The following MROH2A variants were observed in gnomAD, a reference collection of about 807,000 sequenced individuals.
MROH2A encodes the protein maestro heat-like repeat-containing protein family member 2A.
In MROH2A, 174 loss-of-function variants were observed where a neutral mutation model predicts 200.4. That is an observed-to-expected ratio of 0.87 (90% CI 0.77 to 0.98). The LOEUF is 0.98. Ranked by LOEUF, MROH2A falls within the 50% of genes least tolerant of loss-of-function variation. MROH2A has a pLI of 0.00. For missense variants in MROH2A, 2,045 were observed against 2,139.6 expected (o/e 0.96, Z 0.87); for synonymous variants, 829 against 840.4 (o/e 0.99, Z 0.23).
chr2:233,830,601 GTGGCCCAGGTGGGA>G (rs912921114), intron 38 of MROH2A, among the ~76,000 whole-genome samples: 3 of 64,226 alleles, frequency 4.7e-5, no homozygotes, highest in African/African-American at 7.5e-5. Flanking sequence ...GATGGCCTGG[GTGGCCCAGGTGGGA>G]TGGCCCAGGT....
Position 233,818,589 on chromosome 2 carries a change from C to T in MROH2A, c.3086-63C>T, listed in dbSNP as rs1040293853. 13 of 1,075,972 alleles carry T rather than the reference C, an allele frequency of 1.2e-5. No individual in the cohort carries two copies. In the Admixed American group the frequency reaches 1.8e-4, roughly 15 times the overall value. The allele number at this position is 1,075,972 out of a possible 1,614,324, so 66.7% of individuals were successfully genotyped here. On this transcript the variant is annotated intron_variant, in intron 28 of 41. Transcript: ENST00000389758. ...GCAAAGCCAGGGCAGGAGGTAGCCA[C>T]GAAGGGGGGGTGGCTGGGCCTTTTG... is the stretch of plus-strand genomic sequence containing the variant.
At chr2:233,803,885 C>T (rs1702630547) in intron 16 of MROH2A, among the ~76,000 whole-genome samples, 166 bp from the exon 17 acceptor site, 1 of 152,126 alleles carries the variant, frequency 6.6e-6, no homozygotes, top group Non-Finnish European at 1.5e-5. Context: ...CCCCCATCCC[C>T]CATCCTTCCT....
At chr2:233,784,168 G>C (rs1300131728) in intron 3 of MROH2A, among the ~76,000 whole-genome samples, 3 of 151,730 alleles carry the variant, frequency 2.0e-5, no homozygotes, top group East Asian at 3.9e-4. Context: ...TTTTGAGATA[G>C]GCTTTTATTG....
intron 5 of MROH2A, 54 bp downstream of exon 5, chr2:233,790,068 T>TCTCTCTGCCC: frequency 6.9e-7 from 1 of 1,448,156 alleles, no homozygotes; most frequent in Non-Finnish European, 9.2e-7. Flanking sequence ...GGTCTCTGCC[T>TCTCTCTGCCC]CTCTCTGCCC....
intron 30 of MROH2A, 124 bp downstream of exon 30, chr2:233,819,593 C>A: frequency 1.9e-6 from 2 of 1,076,644 alleles, no homozygotes; most frequent in Non-Finnish European, 2.6e-6. Flanking sequence ...CCCCTGGCTG[C>A]TAAAGAGGAG....
Position 233,828,425 on chromosome 2 carries a change from A to G in MROH2A, c.4114-205A>G. On this transcript the variant is annotated intron_variant, in intron 35 of 41. Transcript: ENST00000389758. This position sits in a 1 kb window ranked among gnomAD's most constrained non-coding sequence, Gnocchi z 4.6. ...GTAACACTTATCTAGCATTCCCCCCATATTTCCTTATTAAATCCCCACACA... is the reference window on the plus strand; with the variant it reads ...GTAACACTTATCTAGCATTCCCCCCGTATTTCCTTATTAAATCCCCACACA... The G allele has an allele frequency of 5.3e-6, 3 of 570,240 alleles. No individual in the cohort carries two copies. In the South Asian group the frequency reaches 8.7e-5, roughly 17 times the overall value. 35.3% of individuals were successfully genotyped at this position (570,240 alleles called of 1,614,324 possible).
At position 233,818,080 on chromosome 2, in the gene MROH2A, C is replaced by T. The variant is rs535812122; in HGVS notation, c.3040C>T (p.Arg1014Cys). 113 of 1,550,862 alleles carry T rather than the reference C, an allele frequency of 7.3e-5. No homozygotes were observed. The highest frequency in any genetic ancestry group is 1.1e-4 in the South Asian group (9 of 84,072). ...CACCTGTGATGCCCATCAAAGAACC[C>T]GCATGGCCTCAATGAATGTCCTGTC... ...PCTCDAHQRT[R>C]MASMNVLSSL... The change falls in exon 28 of 42, where the codon CGC becomes TGC. Residue 1014 changes from arginine to cysteine, a missense_variant. This residue lies in a region of MROH2A where 1,201 missense variants were observed against 1,311.3 expected (regional missense o/e 0.92). Transcript: ENST00000389758.
chr2:233,809,351 G>A (rs1399763457), intron 22 of MROH2A, 73 bp downstream of exon 22: 1 of 1,484,662 alleles, frequency 6.7e-7, no homozygotes, highest in African/African-American at 1.4e-5. Flanking sequence ...GGCACTCTCT[G>A]GGCTCCTGCA....
chr2:233,831,461 T>G lies in MROH2A; in HGVS notation c.4655T>G (p.Leu1552Arg). The G allele has an allele frequency of 6.4e-7, 1 of 1,550,578 alleles. No individual in the cohort carries two copies. Among genetic ancestry groups the G allele is most frequent in the Admixed American group, 2.0e-5 (1 of 51,000 alleles). ...QCVHFWGWKSLEHPSGPSDTA... is the reference protein window; with the variant it reads ...QCVHFWGWKSREHPSGPSDTA... ...GTGCACTTCTGGGGCTGGAAGTCCC[T>G]GGAGCATCCCTCAGGGCCAAGTGAT... The change falls in exon 39 of 42, where the codon CTG becomes CGG. Residue 1552 changes from leucine (L) to arginine (R), a missense_variant. Physicochemically the swap from Leu to Arg is moderately radical, Grantham distance 102. Around this residue, in one of 3 missense-constraint regions of MROH2A, gnomAD observed 1,201 missense variants for 1,311.3 expected, o/e 0.92. Transcript: ENST00000389758.
intron 35 of MROH2A, among the ~76,000 whole-genome samples, chr2:233,827,622 G>T (rs1292705165): frequency 6.6e-6 from 1 of 152,088 alleles, no homozygotes; most frequent in Non-Finnish European, 1.5e-5. Context: ...TGCATGCTGG[G>T]CTTAATAACT....
intron 41 of MROH2A, among the ~76,000 whole-genome samples, 173 bp downstream of exon 41, chr2:233,832,817 A>C (rs576962617): frequency 6.6e-6 from 1 of 152,258 alleles, no homozygotes; most frequent in African/African-American, 2.4e-5. Context: ...CCAGGACGAC[A>C]GCTATTGATG....
At chr2:233,789,767 G>T in intron 4 of MROH2A, 85 bp from the exon 5 acceptor site, 1 of 1,489,050 alleles carries the variant, frequency 6.7e-7, no homozygotes, top group Non-Finnish European at 9.0e-7. Context: ...GGAACCAGGA[G>T]GGGTGGAGAG....
chr2:233,822,298 C>T lies in MROH2A; in HGVS notation c.3672+15C>T, dbSNP rs755652480. ...ACCCCCTGATGGTGAGTTGCAGGCG[C>T]AGGCCCCAAGGCTCCTCAGGGGTCT... is the stretch of plus-strand genomic sequence containing the variant. On this transcript the variant is annotated intron_variant, in intron 32 of 41. Transcript: ENST00000389758. 1 of 1,548,100 alleles carries T rather than the reference C, an allele frequency of 6.5e-7. No individual in the cohort carries two copies. The highest frequency in any genetic ancestry group is 8.7e-7 in the Non-Finnish European group (1 of 1,146,828).
At chr2:233,796,726 C>A (rs1702134186) in intron 11 of MROH2A, among the ~76,000 whole-genome samples, 1 of 152,222 alleles carries the variant, frequency 6.6e-6, no homozygotes, top group South Asian at 2.1e-4. Context: ...CTGTCCCTAA[C>A]CAAGGCACTA....
upstream of MROH2A, among the ~76,000 whole-genome samples, chr2:233,776,328 G>A (rs1700703575): frequency 6.7e-6 from 1 of 148,354 alleles, no homozygotes; most frequent in Non-Finnish European, 1.5e-5. Flanking sequence ...CAATATTGTT[G>A]TCATAATCAG....
At position 233,794,508 on chromosome 2, in the gene MROH2A, C is replaced by T. The variant is rs771771844; in HGVS notation, c.966+2C>T. ...CTGGAGGTGCTCTTCGTCACGCAGG[C>T]GAGTGGCCAGGCAGCCACGGCTCTG... On this transcript the variant is annotated splice_donor_variant, in intron 8 of 41. Transcript: ENST00000389758. LOFTEE classifies it low-confidence loss of function (GC_TO_GT_DONOR). The T allele has an allele frequency of 2.7e-5, 40 of 1,489,512 alleles. No individual in the cohort carries two copies. The highest frequency in any genetic ancestry group is 9.7e-5 in the South Asian group (8 of 82,874). The allele number at this position is 1,489,512 out of a possible 1,614,324, so 92.3% of individuals were successfully genotyped here.
At position 233,827,398 on chromosome 2, in the gene MROH2A, G is replaced by A. The variant is rs1048346670; in HGVS notation, c.4114-1232G>A. Among the ~76,000 whole-genome samples the A allele has an allele frequency of 3.3e-5, 5 of 152,138 alleles. 1 individual carries two copies. Among genetic ancestry groups the A allele is most frequent in the African/African-American group, 1.2e-4 (5 of 41,424 alleles). The stretch of plus-strand genomic sequence containing the variant: ...ATGGAATACTATGCAGCCATAAAAA[G>A]GAATGAGATCATGTCCTTTGCAGGG... On this transcript the variant is annotated intron_variant, in intron 35 of 41. Transcript: ENST00000389758.
chr2:233,829,997 G>A (rs1006107814), intron 38 of MROH2A, among the ~76,000 whole-genome samples: 1 of 152,116 alleles, frequency 6.6e-6, no homozygotes, highest in Admixed American at 6.5e-5. Context: ...ACCTCACTAA[G>A]CAGTCTCAGC....
rs985187893 is a variant in MROH2A at position 233,833,376 on chromosome 2, C to A, written c.*117C>A. The stretch of plus-strand genomic sequence containing the variant: ...ACACTATTGTAAAATAACTAGTATC[C>A]TTTTGTTTCCTTCCGTTGAAATAAA... On this transcript the variant is annotated 3_prime_UTR_variant, in exon 42 of 42. Transcript: ENST00000389758. 1.8e-6 allele frequency: 2 copies of A among 1,139,646 alleles called. No homozygotes were observed. The highest frequency in any genetic ancestry group is 2.4e-6 in the Non-Finnish European group (2 of 840,626). The allele number at this position is 1,139,646 out of a possible 1,614,324, so 70.6% of individuals were successfully genotyped here.
Sources: allele counts gnomAD v4.1 joint callset (sites outside exome capture counted in the v4.1 genomes callset), GRCh38; gene constraint gnomAD v4.1.1; regional missense constraint gnomAD v4.1.1; non-coding constraint Gnocchi (gnomAD v3.1); transcripts MANE v1.5; gene names NCBI Gene and HGNC (gene_info 2026-07-23, HGNC 2026-07-21).